Variants in SEMA3C observed in about 807,000 individuals in gnomAD.
SEMA3C encodes the protein semaphorin-3C.
SEMA3C carries 47 observed loss-of-function variants against 89.4 expected under a neutral mutation model. The ratio of observed to expected loss-of-function variants is 0.53; its 90% confidence interval spans 0.42 to 0.67. The LOEUF (loss-of-function observed/expected upper bound fraction) is 0.67. SEMA3C is among the 30% of genes least tolerant of loss of function. The probability of loss-of-function intolerance (pLI) is 0.00; values close to 1 mark genes in which losing one functional copy is unlikely to be tolerated. For synonymous variants in SEMA3C, 310 were observed against 320.2 expected (o/e 0.97, Z 0.34); for missense variants, 839 against 929.1 (o/e 0.90, Z 1.26).
chr7:80,863,917 T>C (rs1015186316), intron 2 of SEMA3C, among the ~76,000 whole-genome samples: 7 of 122,054 alleles, frequency 5.7e-5, no homozygotes, highest in East Asian at 4.6e-4. Context: ...ATATATCACA[T>C]ATATATCATA....
intron 2 of SEMA3C, among the ~76,000 whole-genome samples, chr7:80,870,574 C>T (rs1791032241): frequency 6.6e-6 from 1 of 152,170 alleles, no homozygotes; most frequent in Non-Finnish European, 1.5e-5. Flanking sequence ...CAGAGATGTT[C>T]TAAGTATTTT....
At chr7:80,783,079 T>C (rs141416924) in intron 12 of SEMA3C, among the ~76,000 whole-genome samples, 128 of 152,252 alleles carry the variant, frequency 8.4e-4, no homozygotes, top group Middle Eastern at 6.8e-3. Context: ...TTACATGAGA[T>C]TTTACGTTGT....
Position 80,742,563 on chromosome 7 carries a change from G to C in SEMA3C, c.*2331C>G, listed in dbSNP as rs997048444. 1 of 151,970 alleles carries C rather than the reference G, an allele frequency of 6.6e-6. No homozygotes were observed. Among genetic ancestry groups the C allele is most frequent in the East Asian group, 1.9e-4 (1 of 5,168 alleles). 9.4% of individuals were successfully genotyped at this position (151,970 alleles called of 1,614,324 possible). ...TGGGGAATTCAACATGTTTTATTTT[G>C]CCAGGCCAATGATTTCATCAATATC... On this transcript the variant is annotated 3_prime_UTR_variant, in exon 18 of 18. Coordinates refer to ENST00000265361, the MANE Select transcript of SEMA3C (RefSeq NM_006379.5).
chr7:80,881,164 AACAC>A (rs71802410), intron 2 of SEMA3C, among the ~76,000 whole-genome samples: 16,693 of 135,310 alleles, frequency 0.12, 961 homozygotes, highest in Admixed American at 0.16. Context: ...TGGAGAAAGA[AACAC>A]ACACACACAC....
rs117222431 is a variant in SEMA3C, at chr7:80,813,639, T to C, written c.448-2938A>G. Among the ~76,000 whole-genome samples the C allele has an allele frequency of 9.5e-3, 1,445 of 152,326 alleles. 14 individuals are homozygous for C. Among genetic ancestry groups the C allele is most frequent in the Non-Finnish European group, 0.014 (971 of 68,020 alleles). On this transcript the variant is annotated intron_variant, in intron 5 of 17. Coordinates refer to ENST00000265361, the MANE Select transcript of SEMA3C (RefSeq NM_006379.5). ...TTGGATTTCATTGCTTTGGATTTCA[T>C]CTTATCTCGTCTTTTTAGGCACCTT... is the stretch of plus-strand genomic sequence containing the variant.
At chr7:80,769,732 G>A (rs554306562) in intron 12 of SEMA3C, among the ~76,000 whole-genome samples, 83 of 151,836 alleles carry the variant, frequency 5.5e-4, no homozygotes, top group African/African-American at 1.9e-3. Flanking sequence ...GGGGGCAGGC[G>A]CCTGTAAATC....
Position 80,789,405 on chromosome 7 carries a change from A to T in SEMA3C, c.1255T>A (p.Leu419Met). The T allele has an allele frequency of 6.2e-7, 1 of 1,614,024 alleles. No homozygotes were observed. Among genetic ancestry groups the T allele is most frequent in the Admixed American group, 1.7e-5 (1 of 60,010 alleles). The change falls in exon 12 of 18, where the codon TTG (leucine) becomes ATG (methionine). Residue 419 changes from leucine to methionine, a missense_variant. Leu to Met is a conservative substitution (Grantham distance 15). Transcript: ENST00000265361. Reference protein sequence around the residue: ...NSIYPIHKRPLIVRIGTDYKY... With the variant: ...NSIYPIHKRPMIVRIGTDYKY... ...TAGTCAGTGCCAATACGAACAATCA[A>T]AGGCCTTTTGTGGATTGGGTAGATG... is the stretch of plus-strand genomic sequence containing the variant.
At chr7:80,866,362 C>CT (rs2116023084) in intron 2 of SEMA3C, among the ~76,000 whole-genome samples, 1 of 152,114 alleles carries the variant, frequency 6.6e-6, no homozygotes, top group South Asian at 2.1e-4. Context: ...AAAAACCATA[C>CT]TTTAAGAGTT....
At chr7:80,804,814 G>A (rs990001677) in intron 7 of SEMA3C, among the ~76,000 whole-genome samples, 2 of 152,096 alleles carry the variant, frequency 1.3e-5, no homozygotes, top group African/African-American at 4.8e-5. Flanking sequence ...ATAAGTAAAT[G>A]AACAATCAAT....
intron 11 of SEMA3C, among the ~76,000 whole-genome samples, chr7:80,794,573 A>C (rs1308244396): frequency 6.6e-6 from 1 of 152,060 alleles, no homozygotes; most frequent in Non-Finnish European, 1.5e-5. Flanking sequence ...GTGGCTCATC[A>C]ATTTTCTGTG....
chr7:80,888,425 C>G (rs920428458), intron 2 of SEMA3C, among the ~76,000 whole-genome samples: 1 of 151,958 alleles, frequency 6.6e-6, no homozygotes, highest in African/African-American at 2.4e-5. Context: ...GATGACATCA[C>G]TGCATCCCAG....
chr7:80,759,049 C>T (rs1788128615), intron 14 of SEMA3C, among the ~76,000 whole-genome samples: 1 of 152,044 alleles, frequency 6.6e-6, no homozygotes, highest in African/African-American at 2.4e-5. Flanking sequence ...AGAATAATAT[C>T]GGTATTTATA....
At chr7:80,837,539 C>A (rs1178618900) in intron 2 of SEMA3C, among the ~76,000 whole-genome samples, 2 of 152,172 alleles carry the variant, frequency 1.3e-5, no homozygotes, top group Non-Finnish European at 2.9e-5. Context: ...TACCTTACCA[C>A]AAATCTTAAT....
At chr7:80,833,980 T>C (rs770985598) in intron 2 of SEMA3C, among the ~76,000 whole-genome samples, 9 of 152,216 alleles carry the variant, frequency 5.9e-5, no homozygotes, top group East Asian at 1.9e-4. Flanking sequence ...GTCCATCATC[T>C]AAACAAGGCA....
intron 4 of SEMA3C, among the ~76,000 whole-genome samples, chr7:80,819,238 G>A (rs534834892): frequency 1.1e-4 from 14 of 128,786 alleles, no homozygotes; most frequent in South Asian, 6.6e-4. Flanking sequence ...AAACAACATG[G>A]CTTATTCCAC....
chr7:80,761,527 A>T, intron 14 of SEMA3C, 89 bp downstream of exon 14: 1 of 712,798 alleles, frequency 1.4e-6, no homozygotes. Flanking sequence ...TTAGTACGAT[A>T]ACTAATTATT....
chr7:80,833,968 T>G (rs1222918773), intron 2 of SEMA3C, among the ~76,000 whole-genome samples: 1 of 152,218 alleles, frequency 6.6e-6, no homozygotes, highest in Non-Finnish European at 1.5e-5. Context: ...TTACAATTAC[T>G]AGTCCATCAT....
chr7:80,807,838 T>C (rs1789378301), intron 6 of SEMA3C, among the ~76,000 whole-genome samples: 1 of 152,160 alleles, frequency 6.6e-6, no homozygotes, highest in African/African-American at 2.4e-5. Flanking sequence ...AATGATAAAG[T>C]ACTATTACAT....
In SEMA3C at chr7:80,802,260, T is replaced by A. The variant is rs115389197; in HGVS notation, c.916+405A>T. ...CTCTGACACTTTTTTCCATCCAAACTCTATCCTGTCCATTAGCTACAATAG... is the reference window on the plus strand; with the variant it reads ...CTCTGACACTTTTTTCCATCCAAACACTATCCTGTCCATTAGCTACAATAG... On this transcript the variant is annotated intron_variant, in intron 9 of 17. Transcript: ENST00000265361. Among the ~76,000 whole-genome samples the A allele has an allele frequency of 1.5e-3, 232 of 152,170 alleles. 3 individuals carry two copies. Among genetic ancestry groups the A allele is most frequent in the African/African-American group, 5.4e-3 (223 of 41,550 alleles).
Sources: gnomAD v4.1 joint callset for allele counts (sites outside exome capture counted in the v4.1 genomes callset) on GRCh38, gnomAD v4.1.1 for gene constraint, MANE v1.5 for transcripts, NCBI Gene and HGNC (gene_info 2026-07-23, HGNC 2026-07-21) for gene names.